The following KLF12 variants were observed in gnomAD, a reference collection of about 807,000 sequenced individuals.
The protein encoded by KLF12 is Krueppel-like factor 12.
A neutral mutation model predicts 37.8 loss-of-function variants in KLF12; 9 were observed. That is an observed-to-expected ratio of 0.24 (90% CI 0.14 to 0.42). The LOEUF (loss-of-function observed/expected upper bound fraction) is 0.42. Among genes scored for constraint, KLF12 ranks in the 10% least tolerant of loss-of-function variants. The probability of loss-of-function intolerance (pLI) is 1.00; values close to 1 mark genes in which losing one functional copy is unlikely to be tolerated. For missense variants in KLF12, 411 were observed against 516.0 expected, an observed-to-expected ratio of 0.80 and a Z score of 1.97; for synonymous variants, 208 against 202.1, an observed-to-expected ratio of 1.03 and a Z score of -0.25.
the KLF12 span, chr13:74,231,567 T>C: frequency 6.6e-6 from 1 of 152,200 alleles, no homozygotes; most frequent in South Asian, 2.1e-4. Context: ...ATGTTTCATA[T>C]ACAAGTTTGG....
chr13:74,014,085 T>C (rs973607176), intron 1 of KLF12, among the ~76,000 whole-genome samples: 2 of 152,222 alleles, frequency 1.3e-5, no homozygotes, highest in Non-Finnish European at 2.9e-5. Flanking sequence ...AGGAACCTTT[T>C]AAACTAACTC....
At chr13:74,254,802 G>A in the KLF12 span, among the ~76,000 whole-genome samples, 1 of 152,134 alleles carries the variant, frequency 6.6e-6, no homozygotes, top group East Asian at 1.9e-4. Flanking sequence ...GTGTGCGTGT[G>A]TGTGTGTTTA....
chr13:74,107,936 C>G (rs546550829), intron 1 of KLF12, among the ~76,000 whole-genome samples: 1 of 152,292 alleles, frequency 6.6e-6, no homozygotes, highest in East Asian at 1.9e-4. Flanking sequence ...CGACATTAGA[C>G]AATTTGTCTT....
At chr13:73,775,995 C>A (rs1248795617) in intron 5 of KLF12, among the ~76,000 whole-genome samples, 1 of 152,060 alleles carries the variant, frequency 6.6e-6, no homozygotes, top group African/African-American at 2.4e-5. Context: ...ATGAAAGTGG[C>A]ATAAACTAGA....
the KLF12 span, chr13:74,257,852 T>C: frequency 6.6e-6 from 1 of 152,186 alleles, no homozygotes; most frequent in African/African-American, 2.4e-5. Context: ...CCTTTTTTAT[T>C]TTCATTTCTA....
intron 4 of KLF12, 38 bp downstream of exon 4, chr13:73,845,789 A>C: frequency 6.4e-7 from 1 of 1,572,214 alleles, no homozygotes; most frequent in Non-Finnish European, 8.7e-7. Context: ...AGTCACCTCT[A>C]GTGCTGAAAT....
chr13:74,015,393 G>C (rs1429944622), intron 1 of KLF12, among the ~76,000 whole-genome samples: 1 of 152,034 alleles, frequency 6.6e-6, no homozygotes, highest in Non-Finnish European at 1.5e-5. Context: ...ATCATAAACT[G>C]GCTAAAGGAA....
At chr13:73,952,425 A>C (rs1890680046) in intron 2 of KLF12, among the ~76,000 whole-genome samples, 1 of 152,124 alleles carries the variant, frequency 6.6e-6, no homozygotes. Context: ...TCTCCTGAGA[A>C]CTCACTCACA....
At chr13:74,046,836 G>T (rs79089460) in intron 1 of KLF12, among the ~76,000 whole-genome samples, 6,573 of 152,124 alleles carry the variant, frequency 0.043, 201 homozygotes, top group African/African-American at 0.083. Context: ...TAAAGGCAAA[G>T]AATATTTTGC....
chr13:74,054,434 C>A (rs563033327), intron 1 of KLF12, among the ~76,000 whole-genome samples: 1 of 152,244 alleles, frequency 6.6e-6, no homozygotes, highest in South Asian at 2.1e-4. Context: ...TGACCTGTAT[C>A]AATTCCCTTG....
intron 1 of KLF12, among the ~76,000 whole-genome samples, chr13:74,017,637 A>G (rs533321415): frequency 3.5e-4 from 53 of 149,968 alleles, no homozygotes; most frequent in African/African-American, 1.3e-3. Flanking sequence ...TTCGTTACAA[A>G]TAGAAAAATA....
chr13:74,186,014 T>C, the KLF12 span, among the ~76,000 whole-genome samples: 1 of 152,204 alleles, frequency 6.6e-6, no homozygotes, highest in Non-Finnish European at 1.5e-5. Context: ...GGAATTGTTA[T>C]GTTATTAGCT....
chr13:74,127,146 G>C (rs1454578177), intron 1 of KLF12, among the ~76,000 whole-genome samples: 3 of 152,128 alleles, frequency 2.0e-5, no homozygotes, highest in Non-Finnish European at 4.4e-5. Context: ...TGGGAATACA[G>C]GCACACGCCA....
the KLF12 span, among the ~76,000 whole-genome samples, chr13:74,280,394 G>C: frequency 6.6e-6 from 1 of 152,192 alleles, no homozygotes; most frequent in Non-Finnish European, 1.5e-5. Flanking sequence ...CTGTTCCTTA[G>C]ACTTCTGAGT....
At chr13:73,742,094 T>G (rs942024853) in intron 6 of KLF12, among the ~76,000 whole-genome samples, 2 of 152,186 alleles carry the variant, frequency 1.3e-5, no homozygotes, top group African/African-American at 4.8e-5. Flanking sequence ...TTATGGTTGT[T>G]GAGCAGAGTC....
chr13:73,897,256 C>A (rs1887820526), intron 3 of KLF12, among the ~76,000 whole-genome samples: 2 of 152,230 alleles, frequency 1.3e-5, no homozygotes, highest in South Asian at 2.1e-4. Flanking sequence ...AAACACACTA[C>A]AGCTCAGTAT....
intron 6 of KLF12, among the ~76,000 whole-genome samples, chr13:73,721,216 C>T (rs766502936): frequency 2.6e-4 from 40 of 152,308 alleles, no homozygotes; most frequent in Non-Finnish European, 4.4e-4. Flanking sequence ...ACAAAGTCTG[C>T]GGCTACACTA....
chr13:74,004,041 A>G (rs1892350841), intron 1 of KLF12, among the ~76,000 whole-genome samples: 2 of 152,164 alleles, frequency 1.3e-5, no homozygotes, highest in African/African-American at 4.8e-5. Context: ...CGTATCCCCC[A>G]ATAAGAATAG....
chr13:73,820,050 A>G (rs139655510), intron 4 of KLF12, among the ~76,000 whole-genome samples: 38 of 152,224 alleles, frequency 2.5e-4, no homozygotes, highest in Non-Finnish European at 5.1e-4. Flanking sequence ...AGGCTTTTGA[A>G]TTTTGCTCTG....
Sources: gnomAD v4.1 joint callset for allele counts (sites outside exome capture counted in the v4.1 genomes callset) on GRCh38, gnomAD v4.1.1 for gene constraint, MANE v1.5 for transcripts, NCBI Gene and HGNC (gene_info 2026-07-23, HGNC 2026-07-21) for gene names.